ITFG1: variants seen among roughly 807,000 people sequenced by gnomAD.
ITFG1 encodes the protein integrin alpha FG-GAP repeat containing 1, also known as T-cell immunomodulatory protein.
In ITFG1, 34 loss-of-function variants were observed where a neutral mutation model predicts 81.8. That is an observed-to-expected ratio of 0.42 (90% CI 0.32 to 0.55). The LOEUF is 0.55. Ranked by LOEUF, ITFG1 falls within the 20% of genes least tolerant of loss-of-function variation. ITFG1 has a pLI of 0.17. For missense variants in ITFG1, 672 were observed against 755.4 expected (o/e 0.89, Z 1.29); for synonymous variants, 285 against 270.6 (o/e 1.05, Z -0.52).
intron 14 of ITFG1, among the ~76,000 whole-genome samples, chr16:47,190,782 A>G (rs1362567): frequency 0.085 from 12,935 of 152,272 alleles, 741 homozygotes; most frequent in Non-Finnish European, 0.13. Flanking sequence ...TAGAACTAGA[A>G]TCATTTTATT....
chr16:47,441,683 A>G (rs1261533409), intron 5 of ITFG1, among the ~76,000 whole-genome samples: 1 of 152,154 alleles, frequency 6.6e-6, no homozygotes, highest in African/African-American at 2.4e-5. Context: ...CATATCTCAA[A>G]ATAATAAGAG....
chr16:47,296,826 T>C (rs1026265943), intron 10 of ITFG1, among the ~76,000 whole-genome samples: 1 of 152,244 alleles, frequency 6.6e-6, no homozygotes, highest in Non-Finnish European at 1.5e-5. Flanking sequence ...GTTTGATTTT[T>C]AAAAATTTTT....
intron 5 of ITFG1, among the ~76,000 whole-genome samples, chr16:47,441,528 C>A (rs949322607): frequency 6.6e-6 from 1 of 152,082 alleles, no homozygotes; most frequent in Non-Finnish European, 1.5e-5. Context: ...GTTCAACATA[C>A]GAAAATAAAT....
chr16:47,198,271 A>G (rs1965382260), intron 14 of ITFG1, among the ~76,000 whole-genome samples: 1 of 152,200 alleles, frequency 6.6e-6, no homozygotes, highest in African/African-American at 2.4e-5. Context: ...CTGTATAACG[A>G]CATTTCAGTC....
At chr16:47,345,502 T>C (rs1382841624) in intron 8 of ITFG1, among the ~76,000 whole-genome samples, 1 of 152,160 alleles carries the variant, frequency 6.6e-6, no homozygotes, top group African/African-American at 2.4e-5. Flanking sequence ...TTTCACCATG[T>C]TGGCCAGGCT....
At position 47,210,442 on chromosome 16, in the gene ITFG1, T is replaced by A. The variant is rs1221661205; in HGVS notation, c.1453+8426A>T. ...ATTGAACCTTTGTCAGATATGTGAT[T>A]TGCAAATATCTTTCTTTCAGGCTGT... On this transcript the variant is annotated intron_variant, in intron 14 of 17. Transcript: ENST00000320640. Among the ~76,000 whole-genome samples, 4 of 152,318 alleles carry A rather than the reference T, an allele frequency of 2.6e-5. No individual in the cohort carries two copies. In the East Asian group the frequency reaches 7.7e-4, roughly 29 times the overall value.
chr16:47,293,279 A>AT (rs1209413598), intron 10 of ITFG1, among the ~76,000 whole-genome samples: 2 of 150,860 alleles, frequency 1.3e-5, no homozygotes, highest in African/African-American at 4.9e-5. Flanking sequence ...GGTTGATTAC[A>AT]TATCTTTGCT....
chr16:47,178,710 G>T (rs1472574824), intron 14 of ITFG1, among the ~76,000 whole-genome samples: 1 of 152,140 alleles, frequency 6.6e-6, no homozygotes, highest in African/African-American at 2.4e-5. Flanking sequence ...GGCAACAAAA[G>T]CCAAAATTGA....
intron 13 of ITFG1, among the ~76,000 whole-genome samples, chr16:47,237,204 T>C (rs577800169): frequency 1.3e-5 from 2 of 152,300 alleles, no homozygotes; most frequent in Admixed American, 1.3e-4. Context: ...CAACTATACA[T>C]AAAATATTGT....
At chr16:47,176,635 C>T (rs1965027748) in intron 14 of ITFG1, among the ~76,000 whole-genome samples, 1 of 152,150 alleles carries the variant, frequency 6.6e-6, no homozygotes, top group Non-Finnish European at 1.5e-5. Flanking sequence ...GTTATATTGT[C>T]ACATCTGCCT....
intron 16 of ITFG1, among the ~76,000 whole-genome samples, chr16:47,160,538 T>C (rs1964787607): frequency 6.6e-6 from 1 of 152,146 alleles, no homozygotes; most frequent in South Asian, 2.1e-4. Context: ...AGTTTTACTG[T>C]AAATTTCATC....
At chr16:47,284,228 ATGATATG>A (rs1170370529) in intron 10 of ITFG1, among the ~76,000 whole-genome samples, 2 of 152,210 alleles carry the variant, frequency 1.3e-5, no homozygotes, top group Non-Finnish European at 2.9e-5. Flanking sequence ...TGTGAATTTT[ATGATATG>A]TGTATTTACC....
At chr16:47,407,806 T>C (rs1435252557) in intron 6 of ITFG1, among the ~76,000 whole-genome samples, 1 of 152,194 alleles carries the variant, frequency 6.6e-6, no homozygotes. Context: ...ACATGGCTAG[T>C]AGGCAGTTGC....
intron 13 of ITFG1, among the ~76,000 whole-genome samples, chr16:47,236,706 C>A (rs964128968): frequency 2.6e-5 from 4 of 152,058 alleles, no homozygotes; most frequent in Non-Finnish European, 4.4e-5. Context: ...ACCTGAATAA[C>A]CAAGTTAATC....
intron 6 of ITFG1, among the ~76,000 whole-genome samples, chr16:47,397,589 G>A (rs1174205865): frequency 6.6e-6 from 1 of 152,186 alleles, no homozygotes; most frequent in Non-Finnish European, 1.5e-5. Flanking sequence ...GTTGCTACAG[G>A]TATTCAGATA....
At chr16:47,268,572 T>G (rs1966303874) in intron 10 of ITFG1, among the ~76,000 whole-genome samples, 1 of 152,188 alleles carries the variant, frequency 6.6e-6, no homozygotes, top group Non-Finnish European at 1.5e-5. Flanking sequence ...ATATTCTTCA[T>G]GAGGATAGAT....
intron 2 of ITFG1, among the ~76,000 whole-genome samples, chr16:47,456,184 G>A (rs1318631529): frequency 2.0e-5 from 3 of 151,794 alleles, no homozygotes; most frequent in Non-Finnish European, 4.4e-5. Flanking sequence ...TCACCTGGGT[G>A]ATAGAGAAAG....
chr16:47,189,832 A>C (rs1965271003), intron 14 of ITFG1, among the ~76,000 whole-genome samples: 1 of 152,238 alleles, frequency 6.6e-6, no homozygotes, highest in Admixed American at 6.5e-5. Flanking sequence ...CTAATGAAGG[A>C]ATGGTAAAAA....
At chr16:47,271,791 A>C (rs1966344468) in intron 10 of ITFG1, among the ~76,000 whole-genome samples, 1 of 152,162 alleles carries the variant, frequency 6.6e-6, no homozygotes, top group Non-Finnish European at 1.5e-5. Context: ...CCCGGGAGGC[A>C]GAGCTTGCAG....
Sources: gnomAD v4.1 joint callset for allele counts (sites outside exome capture counted in the v4.1 genomes callset) on GRCh38, gnomAD v4.1.1 for gene constraint, MANE v1.5 for transcripts, NCBI Gene and HGNC (gene_info 2026-07-23, HGNC 2026-07-21) for gene names.